The following GPR157 variants were observed in gnomAD, a reference collection of about 807,000 sequenced individuals.
The protein encoded by GPR157 is G protein-coupled receptor 157, also known as G-protein coupled receptor 157.
Under a neutral mutation model 23.5 loss-of-function variants are expected in GPR157, and 16 were observed. The observed-to-expected ratio is 0.68, with a 90% CI of 0.46 to 1.04. GPR157 has a LOEUF of 1.04. GPR157 is among the 50% of genes least tolerant of loss of function. GPR157 has a pLI of 0.00. For missense variants in GPR157, 440 were observed against 460.7 expected (o/e 0.96, Z 0.41); for synonymous variants, 200 against 221.5 (o/e 0.90, Z 0.86).
rs752235398 is a variant in GPR157 at position 9,128,384 on chromosome 1, G to A, written c.383+261C>T. On this transcript the variant is annotated intron_variant, in intron 1 of 3. Transcript: ENST00000377411. This position sits in a 1 kb window ranked among gnomAD's most constrained non-coding sequence, Gnocchi z 6.3. ...AGCCCCGTCCAAGGAAACAGGGCCC[G>A]GCTCTGGGGGCGAACTCTGTCCCCA... 783 of 686,954 alleles carry A rather than the reference G, an allele frequency of 1.1e-3. 5 individuals are homozygous for A. The highest frequency in any genetic ancestry group is 8.0e-3 in the South Asian group (532 of 66,584). The allele number at this position is 686,954 out of a possible 1,614,324, so 42.6% of individuals were successfully genotyped here. A position where few individuals can be genotyped will look rare whatever the true frequency, so the allele number is the denominator to read the frequency against.
At position 9,101,746 on chromosome 1, in the gene GPR157, T is replaced by C. The variant is rs956477392; in HGVS notation, c.*2673A>G. The C allele has an allele frequency of 5.3e-5, 8 of 152,236 alleles. No homozygotes were observed. The highest frequency in any genetic ancestry group is 4.1e-4 in the South Asian group (2 of 4,832). 9.4% of individuals were successfully genotyped at this position (152,236 alleles called of 1,614,324 possible). ...CTCAGCTCCCTCTACAGGCCTTTCC[T>C]GACCACAGCCAGTCCATCTGGGGAG... On this transcript the variant is annotated 3_prime_UTR_variant, in exon 4 of 4. Coordinates refer to ENST00000377411, the MANE Select transcript of GPR157 (RefSeq NM_024980.5).
At chr1:9,123,973 C>T (rs942117887) in intron 1 of GPR157, among the ~76,000 whole-genome samples, 1 of 151,274 alleles carries the variant, frequency 6.6e-6, no homozygotes, top group African/African-American at 2.4e-5. Context: ...GGACTGCAGC[C>T]GCACACCACC....
chr1:9,121,084 G>C (rs1638787550), intron 1 of GPR157, among the ~76,000 whole-genome samples: 1 of 152,176 alleles, frequency 6.6e-6, no homozygotes, highest in Non-Finnish European at 1.5e-5. Context: ...TGTAATCCCA[G>C]CACTTTGGGA....
intron 2 of GPR157, among the ~76,000 whole-genome samples, chr1:9,107,004 G>A (rs1330846503): frequency 3.9e-5 from 6 of 152,024 alleles, no homozygotes; most frequent in East Asian, 1.9e-4. Flanking sequence ...ATAACTGCAC[G>A]TGCACTTCCT....
At chr1:9,113,717 G>T (rs920092140) in intron 1 of GPR157, among the ~76,000 whole-genome samples, 2 of 151,828 alleles carry the variant, frequency 1.3e-5, no homozygotes, top group African/African-American at 4.8e-5. Flanking sequence ...GCCAAGGTGG[G>T]CAGAACACTT....
intron 1 of GPR157, among the ~76,000 whole-genome samples, chr1:9,126,776 T>C (rs887322242): frequency 4.6e-5 from 7 of 152,202 alleles, no homozygotes; most frequent in African/African-American, 1.7e-4. Flanking sequence ...AGAGAATAAA[T>C]TGTCAAACTC....
chr1:9,108,806 GAGA>G (rs760589733), intron 2 of GPR157, among the ~76,000 whole-genome samples: 16,816 of 128,480 alleles, frequency 0.13, 1,018 homozygotes, highest in Middle Eastern at 0.23. Flanking sequence ...TTTTTTTTTT[GAGA>G]AGGAGTCTCT....
rs1421925762 is a variant in GPR157 at position 9,104,419 on chromosome 1, T to C, written c.1008A>G (p.Ter336TrpextTer58). 2 of 1,612,580 alleles carry C rather than the reference T, an allele frequency of 1.2e-6. No homozygotes were observed. The highest frequency in any genetic ancestry group is 1.7e-6 in the Non-Finnish European group (2 of 1,179,006). The change falls in exon 4 of 4, where the codon TGA becomes TGG. Residue 336 changes from the stop codon to tryptophan, a stop_lost. Transcript: ENST00000377411. ...GCACAGAACTAGAAAGGACAAAAGC[T>C]CAGGTGCTTGGAAGTTCCCCTGGGG... ...QGTPGELPST[*>W]
chr1:9,128,862 C>G lies in GPR157; in HGVS notation c.166G>C (p.Ala56Pro). ...TAGGAGGCGGCCGAGAGCAGGTCGGCCAGCGACAGGAAGAGCAGCAGGCGC... is the reference window on the plus strand; with the variant it reads ...TAGGAGGCGGCCGAGAGCAGGTCGGGCAGCGACAGGAAGAGCAGCAGGCGC... ...ARRLLLFLSL[A>P]DLLSAASYFY... Residue 56 changes from alanine to proline, a missense_variant, in exon 1 of 4, where the codon GCC becomes CCC. Physicochemically the swap from Ala to Pro is conservative, Grantham distance 27. Coordinates refer to ENST00000377411, the MANE Select transcript of GPR157 (RefSeq NM_024980.5). This position sits in a 1 kb window ranked among gnomAD's most constrained non-coding sequence, Gnocchi z 6.3. The G allele has an allele frequency of 1.3e-6, 2 of 1,582,630 alleles. No individual in the cohort carries two copies. Among genetic ancestry groups the G allele is most frequent in the Non-Finnish European group, 1.7e-6 (2 of 1,165,432 alleles).
chr1:9,128,514 G>C lies in GPR157; in HGVS notation c.383+131C>G, dbSNP rs1168648434. 4 of 868,794 alleles carry C rather than the reference G, an allele frequency of 4.6e-6. No individual in the cohort carries two copies. The highest frequency in any genetic ancestry group is 7.3e-6 in the Non-Finnish European group (4 of 547,524). 53.8% of individuals were successfully genotyped at this position (868,794 alleles called of 1,614,324 possible). On this transcript the variant is annotated intron_variant, in intron 1 of 3. Coordinates refer to ENST00000377411, the MANE Select transcript of GPR157 (RefSeq NM_024980.5). This position sits in a 1 kb window ranked among gnomAD's most constrained non-coding sequence, Gnocchi z 6.3. Reference sequence around the variant, plus strand: ...CCTCCCGCTGGCCCAGGACAGCCTCGGGGGCGCCAGCAGGCACTGCTTGCT... The same window carrying C: ...CCTCCCGCTGGCCCAGGACAGCCTCCGGGGCGCCAGCAGGCACTGCTTGCT...
intron 1 of GPR157, among the ~76,000 whole-genome samples, chr1:9,127,837 G>A (rs13375718): frequency 0.011 from 1,727 of 152,286 alleles, 47 homozygotes; most frequent in African/African-American, 0.039. Context: ...TAGGATTCCT[G>A]CCCTCAGTTC....
chr1:9,113,155 G>A (rs1051223976), intron 1 of GPR157, among the ~76,000 whole-genome samples: 8 of 152,098 alleles, frequency 5.3e-5, no homozygotes, highest in Non-Finnish European at 2.9e-5. Flanking sequence ...TGTGAGTCAC[G>A]TCCTGCTGTC....
chr1:9,100,711 T>C lies in GPR157; in HGVS notation c.*3708A>G, dbSNP rs965314137. 6.6e-6 allele frequency: 1 copy of C among 152,242 alleles called. No homozygotes were observed. The highest frequency in any genetic ancestry group is 2.4e-5 in the African/African-American group (1 of 41,450). The allele number at this position is 152,242 out of a possible 1,614,324, so 9.4% of individuals were successfully genotyped here. On this transcript the variant is annotated 3_prime_UTR_variant, in exon 4 of 4. Transcript: ENST00000377411. ...CTCAGGGATGCAGGCAGATGAACAT[T>C]AACCACACTAACAGAGGAGAAAGAA...
At chr1:9,106,441 C>T (rs781185283) in intron 2 of GPR157, among the ~76,000 whole-genome samples, 1 of 152,212 alleles carries the variant, frequency 6.6e-6, no homozygotes, top group Non-Finnish European at 1.5e-5. Context: ...CCACATGCTC[C>T]TTACGGTCGC....
At chr1:9,114,306 G>T (rs1361209090) in intron 1 of GPR157, among the ~76,000 whole-genome samples, 1 of 129,472 alleles carries the variant, frequency 7.7e-6, no homozygotes, top group Non-Finnish European at 1.5e-5. Context: ...TCCAGCCTGG[G>T]TGACGAAGTG....
rs747879119 is a variant in GPR157, at chr1:9,118,764, A to G, written c.384-7275T>C. On this transcript the variant is annotated intron_variant, in intron 1 of 3. Transcript: ENST00000377411. This position sits in a 1 kb window ranked among gnomAD's most constrained non-coding sequence, Gnocchi z 4.6. Reference sequence around the variant, plus strand: ...CATAACTTAAGAGGAAAGGCTGGGCATGGTGGCTCACACCTGTAATCCCAG... The same window carrying G: ...CATAACTTAAGAGGAAAGGCTGGGCGTGGTGGCTCACACCTGTAATCCCAG... 3.7e-4 allele frequency among the ~76,000 whole-genome samples: 57 copies of G among 152,200 alleles called. No homozygotes were observed. The highest frequency in any genetic ancestry group is 7.3e-4 in the Non-Finnish European group (50 of 68,030).
rs1569946737 is a variant in GPR157, at chr1:9,105,415, G to A, written c.792+71C>T. The A allele has an allele frequency of 7.2e-7, 1 of 1,388,076 alleles. No individual in the cohort carries two copies. The highest frequency in any genetic ancestry group is 9.8e-7 in the Non-Finnish European group (1 of 1,025,086). 86.0% of individuals were successfully genotyped at this position (1,388,076 alleles called of 1,614,324 possible). A position where few individuals can be genotyped will look rare whatever the true frequency, so the allele number is the denominator to read the frequency against. ...GCCGACACTGGGGTGCAGCCACTGTGCTGCGGGAAGGAATCAGGCTGTGCC... is the reference window on the plus strand; with the variant it reads ...GCCGACACTGGGGTGCAGCCACTGTACTGCGGGAAGGAATCAGGCTGTGCC... On this transcript the variant is annotated intron_variant, in intron 3 of 3. Coordinates refer to ENST00000377411, the MANE Select transcript of GPR157 (RefSeq NM_024980.5). This position sits in a 1 kb window ranked among gnomAD's most constrained non-coding sequence, Gnocchi z 4.8.
At chr1:9,126,458 G>C (rs1468819991) in intron 1 of GPR157, among the ~76,000 whole-genome samples, 1 of 152,124 alleles carries the variant, frequency 6.6e-6, no homozygotes, top group African/African-American at 2.4e-5. Context: ...ATTAGAATAA[G>C]GATGTCAACC....
chr1:9,117,860 A>G (rs1638717839), intron 1 of GPR157, among the ~76,000 whole-genome samples: 1 of 152,170 alleles, frequency 6.6e-6, no homozygotes, highest in Admixed American at 6.5e-5. Flanking sequence ...TCCCCCCTTC[A>G]TACGGGAAGC....
Sources: allele counts gnomAD v4.1 joint callset (sites outside exome capture counted in the v4.1 genomes callset), GRCh38; gene constraint gnomAD v4.1.1; non-coding constraint Gnocchi (gnomAD v3.1); transcripts MANE v1.5; gene names NCBI Gene and HGNC (gene_info 2026-07-23, HGNC 2026-07-21).